DTWD2: variants seen among roughly 807,000 people sequenced by gnomAD.
The protein encoded by DTWD2 is DTW motif tRNA-uridine aminocarboxypropyltransferase 2.
Under a neutral mutation model 31.8 loss-of-function variants are expected in DTWD2, and 39 were observed. The observed-to-expected ratio is 1.22, with a 90% CI of 0.95 to 1.60. DTWD2 has a LOEUF of 1.60. Among genes scored for constraint, DTWD2 ranks in the 40% most tolerant of loss-of-function variants. The pLI, the probability that DTWD2 is intolerant of heterozygous loss-of-function variation, is 0.00. For synonymous variants in DTWD2, 180 were observed against 142.8 expected (o/e 1.26, Z -1.86); for missense variants, 515 against 381.5 (o/e 1.35, Z -2.92).
intron 4 of DTWD2, among the ~76,000 whole-genome samples, chr5:118,914,339 C>T (rs1162096610): frequency 1.3e-5 from 2 of 152,132 alleles, no homozygotes; most frequent in Non-Finnish European, 2.9e-5. Context: ...ACAAAGCACA[C>T]CATCTTGGAA....
chr5:118,947,983 C>T (rs929157534), intron 1 of DTWD2, among the ~76,000 whole-genome samples: 2 of 152,088 alleles, frequency 1.3e-5, no homozygotes, highest in Non-Finnish European at 2.9e-5. Flanking sequence ...ACAAATGTTG[C>T]ATAACACATT....
At chr5:118,930,925 T>C (rs1369924696) in intron 3 of DTWD2, among the ~76,000 whole-genome samples, 1 of 152,070 alleles carries the variant, frequency 6.6e-6, no homozygotes, top group African/African-American at 2.4e-5. Flanking sequence ...GGGTTTCTTT[T>C]TGAAGTGATG....
chr5:118,879,565 G>A (rs537256407), intron 4 of DTWD2, among the ~76,000 whole-genome samples: 6 of 138,754 alleles, frequency 4.3e-5, no homozygotes, highest in East Asian at 2.1e-4. Context: ...AGCCAAGATC[G>A]CACCACTACA....
intron 4 of DTWD2, among the ~76,000 whole-genome samples, chr5:118,857,380 T>C (rs1188626279): frequency 6.6e-6 from 1 of 152,216 alleles, no homozygotes; most frequent in East Asian, 1.9e-4. Context: ...ATTTTTACTT[T>C]GGCCATATGT....
intron 4 of DTWD2, among the ~76,000 whole-genome samples, chr5:118,916,930 T>A (rs1753592797): frequency 6.6e-6 from 1 of 152,090 alleles, no homozygotes; most frequent in African/African-American, 2.4e-5. Flanking sequence ...TCTGACCCCA[T>A]TAGAACTACA....
At chr5:118,886,667 T>C (rs1304951610) in intron 4 of DTWD2, among the ~76,000 whole-genome samples, 1 of 152,216 alleles carries the variant, frequency 6.6e-6, no homozygotes, top group Non-Finnish European at 1.5e-5. Flanking sequence ...GTATACTACA[T>C]TGTGTAATAC....
At chr5:118,983,846 T>C (rs983740446) in intron 1 of DTWD2, among the ~76,000 whole-genome samples, 14 of 152,166 alleles carry the variant, frequency 9.2e-5, no homozygotes, top group Non-Finnish European at 1.8e-4. Context: ...CTGTATTTCC[T>C]CATCATTTAA....
chr5:118,973,909 T>A, intron 1 of DTWD2: 1 of 1,605,852 alleles, frequency 6.2e-7, no homozygotes, highest in Admixed American at 1.7e-5. Flanking sequence ...CTAACGGGAA[T>A]GCTAATGAGG....
chr5:118,845,387 C>T (rs113980238), intron 5 of DTWD2, among the ~76,000 whole-genome samples: 22,976 of 152,138 alleles, frequency 0.15, 1,832 homozygotes, highest in Non-Finnish European at 0.18. Context: ...ATTATCGCAA[C>T]TAGATGCTAA....
At chr5:118,893,279 T>C (rs1338059929) in intron 4 of DTWD2, among the ~76,000 whole-genome samples, 1 of 149,744 alleles carries the variant, frequency 6.7e-6, no homozygotes, top group Non-Finnish European at 1.5e-5. Flanking sequence ...GAGAATCGCT[T>C]GAACCTGGGA....
intron 1 of DTWD2, among the ~76,000 whole-genome samples, chr5:118,950,161 C>T (rs1032830507): frequency 1.4e-5 from 2 of 140,988 alleles, no homozygotes; most frequent in South Asian, 2.2e-4. Context: ...ATTATTGAGC[C>T]GAGATCACGC....
chr5:118,888,644 T>C (rs999795340), intron 4 of DTWD2, among the ~76,000 whole-genome samples: 1 of 152,216 alleles, frequency 6.6e-6, no homozygotes, highest in African/African-American at 2.4e-5. Context: ...CTGGATCACA[T>C]GTTACCTGCA....
Position 118,841,541 on chromosome 5 carries a change from G to C in DTWD2, c.727-454C>G, listed in dbSNP as rs115384433. ...TAGATGATGGCAGCAATGGGTAAAC[G>C]GTTTGCTATTTCTCTCACATTAGTG... On this transcript the variant is annotated intron_variant, in intron 5 of 5. Transcript: ENST00000510708. Among the ~76,000 whole-genome samples the C allele has an allele frequency of 5.9e-5, 9 of 152,248 alleles. No homozygotes were observed. In the East Asian group the frequency reaches 1.7e-3, roughly 29 times the overall value.
intron 4 of DTWD2, among the ~76,000 whole-genome samples, chr5:118,914,198 G>A (rs1056363487): frequency 6.6e-6 from 1 of 152,096 alleles, no homozygotes; most frequent in African/African-American, 2.4e-5. Context: ...ATGAGGTAGG[G>A]TCTAATGTAA....
chr5:118,871,071 A>T (rs1391359825), intron 4 of DTWD2, among the ~76,000 whole-genome samples: 1 of 152,106 alleles, frequency 6.6e-6, no homozygotes, highest in African/African-American at 2.4e-5. Context: ...CAATGTTCAC[A>T]GCATCTTCAC....
At chr5:118,953,710 A>G (rs1020248922) in intron 1 of DTWD2, among the ~76,000 whole-genome samples, 2 of 152,186 alleles carry the variant, frequency 1.3e-5, no homozygotes, top group African/African-American at 4.8e-5. Context: ...CCTAGTGTGG[A>G]ACATATCACC....
chr5:118,900,799 T>C (rs1382557408), intron 4 of DTWD2, among the ~76,000 whole-genome samples: 2 of 151,788 alleles, frequency 1.3e-5, no homozygotes, highest in East Asian at 3.9e-4. Context: ...GTGGCAGATG[T>C]CTGTAGTCCC....
chr5:118,974,478 C>T (rs561400313), intron 1 of DTWD2: 5 of 467,494 alleles, frequency 1.1e-5, no homozygotes, highest in African/African-American at 4.1e-5. Flanking sequence ...GCCTTCGGAG[C>T]GTTCTCTGTC....
At chr5:118,924,970 C>A (rs1753778913) in intron 4 of DTWD2, among the ~76,000 whole-genome samples, 1 of 152,146 alleles carries the variant, frequency 6.6e-6, no homozygotes, top group Non-Finnish European at 1.5e-5. Context: ...ATCGGGCCTG[C>A]TCCATCAAAG....
Sources: gnomAD v4.1 joint callset for allele counts (sites outside exome capture counted in the v4.1 genomes callset) on GRCh38, gnomAD v4.1.1 for gene constraint, MANE v1.5 for transcripts, NCBI Gene and HGNC (gene_info 2026-07-23, HGNC 2026-07-21) for gene names.